The following IPO5 variants were observed in gnomAD, a reference collection of about 807,000 sequenced individuals.
IPO5 encodes importin-5.
A neutral mutation model predicts 143.3 loss-of-function variants in IPO5; 18 were observed. That is an observed-to-expected ratio of 0.13 (90% CI 0.09 to 0.19). The LOEUF (loss-of-function observed/expected upper bound fraction) is 0.19, where lower values mean the gene tolerates loss of function less well. Ranked by LOEUF, IPO5 falls within the 10% of genes least tolerant of loss-of-function variation. IPO5 has a pLI of 1.00. For synonymous variants in IPO5, 477 were observed against 465.7 expected, an observed-to-expected ratio of 1.02 and a Z score of -0.31; for missense variants, 1,013 against 1,336.9, an observed-to-expected ratio of 0.76 and a Z score of 3.78.
At chr13:97,978,350 C>T (rs562086934) in intron 4 of IPO5, among the ~76,000 whole-genome samples, 3 of 152,334 alleles carry the variant, frequency 2.0e-5, no homozygotes, top group African/African-American at 4.8e-5. Context: ...ATAGATTATA[C>T]ATCATATGGA....
At position 98,010,427 on chromosome 13, in the gene IPO5, A is replaced by G. The variant is rs997261890; in HGVS notation, c.2055+203A>G. Reference sequence around the variant, plus strand: ...TGTTTTAAATAGCAAAAAACAACAAATAGCCCAAATTCCTGTTAGTGGGAA... The same window carrying G: ...TGTTTTAAATAGCAAAAAACAACAAGTAGCCCAAATTCCTGTTAGTGGGAA... On this transcript the variant is annotated intron_variant, in intron 20 of 28. Transcript: ENST00000651721. Among the ~76,000 whole-genome samples the G allele has an allele frequency of 4.6e-5, 7 of 152,332 alleles. 1 individual carries two copies. Among genetic ancestry groups the G allele is most frequent in the Admixed American group, 6.5e-5 (1 of 15,302 alleles).
chr13:98,009,939 A>T lies in IPO5; in HGVS notation c.1859A>T (p.Gln620Leu). ...RMCKILGKEF[Q>L]QYLPVVMGPL... ...TGCAAAATCCTTGGAAAAGAATTTC[A>T]GCAATACCTTCCAGTGGTTATGGGG... is the stretch of plus-strand genomic sequence containing the variant. The change falls in exon 19 of 29, where the codon CAG becomes CTG. Residue 620 changes from glutamine to leucine, a missense_variant. By Grantham distance (113) the Gln-to-Leu change is moderately radical (BLOSUM62 -2). Coordinates refer to ENST00000651721, the MANE Select transcript of IPO5 (RefSeq NM_002271.6). The T allele has an allele frequency of 6.2e-7, 1 of 1,614,060 alleles. No individual in the cohort carries two copies. Among genetic ancestry groups the T allele is most frequent in the South Asian group, 1.1e-5 (1 of 91,080 alleles).
chr13:98,020,188 C>T (rs891800654), intron 27 of IPO5, among the ~76,000 whole-genome samples: 1 of 152,160 alleles, frequency 6.6e-6, no homozygotes, highest in Non-Finnish European at 1.5e-5. Context: ...GGATTACAGG[C>T]ATGAGCCACC....
chr13:97,987,950 A>ATTT, intron 6 of IPO5: 1 of 242,646 alleles, frequency 4.1e-6, no homozygotes, highest in South Asian at 3.8e-5. Context: ...GCTCTCATAG[A>ATTT]TTTTTTTTTT....
chr13:97,975,324 A>C (rs1364657716), intron 3 of IPO5, among the ~76,000 whole-genome samples: 2 of 152,086 alleles, frequency 1.3e-5, no homozygotes, highest in Admixed American at 6.5e-5. Flanking sequence ...CCCCGTTTCT[A>C]CTAAAAATAC....
rs150228054 is a variant in IPO5, at chr13:97,954,786, C to A, written c.-113+588C>A. ...TTTATTATAGAATGTTTAATTTAGA[C>A]CTTCCTAAACAGTTTTGCTTTCTTC... On this transcript the variant is annotated intron_variant, in intron 2 of 28. Coordinates refer to ENST00000651721, the MANE Select transcript of IPO5 (RefSeq NM_002271.6). Among the ~76,000 whole-genome samples, 800 of 152,234 alleles carry A rather than the reference C, an allele frequency of 5.3e-3. 8 individuals are homozygous for A. The highest frequency in any genetic ancestry group is 0.018 in the African/African-American group (758 of 41,556).
At chr13:97,967,663 G>C (rs1030490524) in intron 2 of IPO5, among the ~76,000 whole-genome samples, 1 of 151,556 alleles carries the variant, frequency 6.6e-6, no homozygotes, top group African/African-American at 2.4e-5. Context: ...TTTGAGTCTC[G>C]CTCTGTCGCC....
At chr13:97,953,739 A>G (rs1295297991) in intron 1 of IPO5, 23 bp downstream of exon 1, 1 of 318,708 alleles carries the variant, frequency 3.1e-6, no homozygotes, top group Non-Finnish European at 6.2e-6. Flanking sequence ...AAAACCTCAC[A>G]TTCAGATGAA....
At chr13:97,961,150 A>ACATGTAACATTCTTTACAT (rs1884849497) in intron 2 of IPO5, among the ~76,000 whole-genome samples, 1 of 152,238 alleles carries the variant, frequency 6.6e-6, no homozygotes, top group Non-Finnish European at 1.5e-5. Context: ...TGTTACATGT[A>ACATGTAACATTCTTTACAT]TCATTACTTT....
intron 2 of IPO5, among the ~76,000 whole-genome samples, chr13:97,967,090 A>G (rs532668885): frequency 6.6e-6 from 1 of 152,248 alleles, no homozygotes; most frequent in Admixed American, 6.5e-5. Flanking sequence ...CTTGCTGTAG[A>G]TCTATTCATA....
chr13:97,966,108 T>TCCA (rs1885309421), intron 2 of IPO5, among the ~76,000 whole-genome samples: 1 of 131,280 alleles, frequency 7.6e-6, no homozygotes, highest in South Asian at 2.5e-4. Context: ...CACTCCAGCC[T>TCCA]GGGTGACAGA....
rs1255981627 is a variant in IPO5, at chr13:97,990,498, G to A, written c.630G>A (p.Leu210=). Residue 210 remains leucine, a synonymous_variant, in exon 9 of 29, where the codon CTG becomes CTA. Transcript: ENST00000651721. Reference sequence around the variant, plus strand: ...TTGCAAATGAGCATAATGTTGCTCTGTTCAAACATTTTGCAGACTTGCTAC... The same window carrying A: ...TTGCAAATGAGCATAATGTTGCTCTATTCAAACATTTTGCAGACTTGCTAC... ...FILANEHNVA[L]FKHFADLLPG... 18 of 1,603,122 alleles carry A rather than the reference G, an allele frequency of 1.1e-5. No individual in the cohort carries two copies. The Admixed American group carries it at 3.2e-4, about 28-fold the overall frequency.
rs74108124 is a variant in IPO5, at chr13:98,021,916, C to A, written c.*94C>A. The A allele has an allele frequency of 3.7e-6, 3 of 811,686 alleles. No homozygotes were observed. The highest frequency in any genetic ancestry group is 3.9e-6 in the Non-Finnish European group (2 of 509,414). 50.3% of individuals were successfully genotyped at this position (811,686 alleles called of 1,614,324 possible). ...TGTTTTGTTTTTGAGCAAAAGAGAT[C>A]GGTAGTGTTGTGTGTAGGCCATTCT... On this transcript the variant is annotated 3_prime_UTR_variant, in exon 29 of 29. Transcript: ENST00000651721.
intron 11 of IPO5, 99 bp downstream of exon 11, chr13:97,993,324 A>ATGAATATCC: frequency 9.8e-7 from 1 of 1,018,496 alleles, no homozygotes; most frequent in African/African-American, 1.6e-5. Context: ...TGAGAATATA[A>ATGAATATCC]TGAATATCCT....
At chr13:97,977,914 A>G (rs1886517645) in intron 4 of IPO5, among the ~76,000 whole-genome samples, 1 of 152,222 alleles carries the variant, frequency 6.6e-6, no homozygotes, top group Non-Finnish European at 1.5e-5. Flanking sequence ...ATAGCCAATG[A>G]AATTGACTGC....
intron 3 of IPO5, among the ~76,000 whole-genome samples, chr13:97,975,394 G>C (rs1886188101): frequency 6.6e-6 from 1 of 152,168 alleles, no homozygotes; most frequent in South Asian, 2.1e-4. Context: ...GGGAGGCTGA[G>C]GCATGAGAAT....
rs1566560250 is a variant in IPO5 at position 98,012,240 on chromosome 13, T to A, written c.2056-6T>A. 1 of 1,567,912 alleles carries A rather than the reference T, an allele frequency of 6.4e-7. No individual in the cohort carries two copies. Among genetic ancestry groups the A allele is most frequent in the East Asian group, 2.2e-5 (1 of 44,644 alleles). On this transcript the variant is annotated splice_polypyrimidine_tract_variant and splice_region_variant and intron_variant, in intron 20 of 28. Coordinates refer to ENST00000651721, the MANE Select transcript of IPO5 (RefSeq NM_002271.6). Reference sequence around the variant, plus strand: ...TCTTTATTTCCTCCCAATACTTTGGTTACAGGTTTGCTATGCTAAGGAGTT... The same window carrying A: ...TCTTTATTTCCTCCCAATACTTTGGATACAGGTTTGCTATGCTAAGGAGTT...
At chr13:98,009,794 TTG>T in intron 18 of IPO5, 85 bp from the exon 19 acceptor site, 1 of 1,018,250 alleles carries the variant, frequency 9.8e-7, no homozygotes, top group East Asian at 2.6e-5. Context: ...CAATAAAACA[TTG>T]TTTCTATGAA....
chr13:98,021,868 T>C lies in IPO5; in HGVS notation c.*46T>C. ...CAGAAAACTAACTCCAAATAAACGC[T>C]TACCCTTTCCTTTAGGTTTCTTTGT... On this transcript the variant is annotated 3_prime_UTR_variant, in exon 29 of 29. Transcript: ENST00000651721. The C allele has an allele frequency of 7.6e-7, 1 of 1,309,720 alleles. No individual in the cohort carries two copies. The highest frequency in any genetic ancestry group is 1.1e-6 in the Non-Finnish European group (1 of 914,674). The allele number at this position is 1,309,720 out of a possible 1,614,324, so 81.1% of individuals were successfully genotyped here. A position where few individuals can be genotyped will look rare whatever the true frequency, so the allele number is the denominator to read the frequency against.
Sources: gnomAD v4.1 joint callset for allele counts (sites outside exome capture counted in the v4.1 genomes callset) on GRCh38, gnomAD v4.1.1 for gene constraint, MANE v1.5 for transcripts, NCBI Gene and HGNC (gene_info 2026-07-23, HGNC 2026-07-21) for gene names.